ADH1C: variants seen among roughly 807,000 people sequenced by gnomAD.
ADH1C encodes the protein alcohol dehydrogenase 1C (class I), gamma polypeptide, also known as alcohol dehydrogenase 1C.
In ADH1C, 26 loss-of-function variants were observed where a neutral mutation model predicts 35.0. That is an observed-to-expected ratio of 0.74 (90% CI 0.54 to 1.03). The LOEUF is 1.03. Among genes scored for constraint, ADH1C ranks in the 50% least tolerant of loss-of-function variants. ADH1C has a pLI of 0.00. For missense variants in ADH1C, 413 were observed against 465.4 expected (o/e 0.89, Z 1.04); for synonymous variants, 170 against 169.3 (o/e 1.00, Z -0.03).
chr4:99,340,796 C>T, intron 6 of ADH1C, 86 bp from the exon 7 acceptor site: 1 of 1,563,922 alleles, frequency 6.4e-7, no homozygotes. Context: ...ATAGGCTTAG[C>T]TGGATTGTGA....
chr4:99,352,391 C>A (rs1033144968), intron 1 of ADH1C, among the ~76,000 whole-genome samples: 4 of 152,032 alleles, frequency 2.6e-5, no homozygotes, highest in African/African-American at 9.7e-5. Context: ...GAAATAAAGA[C>A]AATAGATACA....
intron 1 of ADH1C, among the ~76,000 whole-genome samples, chr4:99,351,537 G>C (rs1271645902): frequency 6.6e-6 from 1 of 152,072 alleles, no homozygotes; most frequent in African/African-American, 2.4e-5. Flanking sequence ...TTTAGTAAAT[G>C]GTAAATTTAA....
intron 1 of ADH1C, among the ~76,000 whole-genome samples, chr4:99,351,995 T>C (rs1195103311): frequency 6.6e-6 from 1 of 152,186 alleles, no homozygotes; most frequent in Non-Finnish European, 1.5e-5. Context: ...ATATTGACTT[T>C]TATATAGGGG....
In ADH1C at chr4:99,347,140, A is replaced by G. The variant is rs1242777340; in HGVS notation, c.125T>C (p.Val42Ala). The G allele has an allele frequency of 6.2e-7, 1 of 1,613,324 alleles. No homozygotes were observed. Among genetic ancestry groups the G allele is most frequent in the South Asian group, 1.1e-5 (1 of 90,944 alleles). Residue 42 changes from valine to alanine, a missense_variant, in exon 3 of 9, where the codon GTG becomes GCG. Transcript: ENST00000515683. ...PKAHEVRIKM[V>A]AAGICRSDEH... ...ATCTGAACGACAGATTCCTGCAGCC[A>G]CCATCTACAGAATAAAGAGAAGATG...
At chr4:99,347,612 G>T in intron 2 of ADH1C, 133 bp downstream of exon 2, 1 of 981,848 alleles carries the variant, frequency 1.0e-6, no homozygotes, top group Non-Finnish European at 1.4e-6. Flanking sequence ...TACTTTCCTT[G>T]ACAACAAATG....
chr4:99,350,371 C>T (rs372239411), intron 1 of ADH1C, among the ~76,000 whole-genome samples: 13 of 152,114 alleles, frequency 8.5e-5, no homozygotes, highest in East Asian at 1.9e-4. Flanking sequence ...ATGTGTCACC[C>T]GAGCAGTGTA....
In ADH1C at chr4:99,339,628, A is replaced by T; in HGVS notation, c.1052T>A (p.Leu351Ter). The T allele has an allele frequency of 6.2e-7, 1 of 1,610,568 alleles. No individual in the cohort carries two copies. Among genetic ancestry groups the T allele is most frequent in the Non-Finnish European group, 8.5e-7 (1 of 1,178,572 alleles). Residue 351 changes from leucine to a stop codon, truncating the protein, a stop_gained, in exon 8 of 9, where the codon TTA becomes TAA. Coordinates refer to ENST00000515683, the MANE Select transcript of ADH1C (RefSeq NM_000669.5). LOFTEE classifies it high-confidence loss of function. ...TCCTTCATTTATTTTTTCAAAAGGT[A>T]AAATATTTGTTATTAATGCATCCAG... ...FSLDALITNI[L>*]PFEKINEGFD...
Position 99,336,841 on chromosome 4 carries a change from T to G in ADH1C, c.1104-65A>C, listed in dbSNP as rs1734288957. 4 of 1,601,540 alleles carry G rather than the reference T, an allele frequency of 2.5e-6. No homozygotes were observed. The South Asian group carries it at 4.4e-5, about 18-fold the overall frequency. On this transcript the variant is annotated intron_variant, in intron 8 of 8. Coordinates refer to ENST00000515683, the MANE Select transcript of ADH1C (RefSeq NM_000669.5). ...CAACCCACATGCTTCCATGTGATAGTCCAAGGAGTATTTGAGGTGACTTAG... is the reference window on the plus strand; with the variant it reads ...CAACCCACATGCTTCCATGTGATAGGCCAAGGAGTATTTGAGGTGACTTAG...
At chr4:99,340,405 C>G (rs991089805) in intron 7 of ADH1C, among the ~76,000 whole-genome samples, 170 bp downstream of exon 7, 1 of 143,200 alleles carries the variant, frequency 7.0e-6, no homozygotes. Context: ...CAGAGCAAGA[C>G]TTCATCTCCA....
At chr4:99,352,462 T>C (rs1734699191) in intron 1 of ADH1C, among the ~76,000 whole-genome samples, 196 bp downstream of exon 1, 1 of 152,208 alleles carries the variant, frequency 6.6e-6, no homozygotes, top group African/African-American at 2.4e-5. Flanking sequence ...TAGTTCAGTA[T>C]ACATTACATA....
In ADH1C at chr4:99,336,540, G is replaced by A. The variant is rs1343615546; in HGVS notation, c.*212C>T. ...TATTGGCTTCAATTCCCCAGTTGATGTTCAACACTTTATTTAGTTCTCATT... is the reference window on the plus strand; with the variant it reads ...TATTGGCTTCAATTCCCCAGTTGATATTCAACACTTTATTTAGTTCTCATT... On this transcript the variant is annotated 3_prime_UTR_variant, in exon 9 of 9. Transcript: ENST00000515683. The A allele has an allele frequency of 3.1e-6, 2 of 638,824 alleles. No homozygotes were observed. Among genetic ancestry groups the A allele is most frequent in the Non-Finnish European group, 5.4e-6 (2 of 372,954 alleles). 39.6% of individuals were successfully genotyped at this position (638,824 alleles called of 1,614,324 possible).
At chr4:99,343,274 G>T (rs549230888) in intron 5 of ADH1C, among the ~76,000 whole-genome samples, 3 of 152,254 alleles carry the variant, frequency 2.0e-5, no homozygotes, top group Non-Finnish European at 4.4e-5. Context: ...GATTCATCTG[G>T]GGAGCTTTAA....
At chr4:99,352,390 A>T (rs945111210) in intron 1 of ADH1C, among the ~76,000 whole-genome samples, 1 of 152,334 alleles carries the variant, frequency 6.6e-6, no homozygotes, top group South Asian at 2.1e-4. Context: ...GGAAATAAAG[A>T]CAATAGATAC....
chr4:99,347,361 T>C (rs1734560515), intron 2 of ADH1C, among the ~76,000 whole-genome samples: 1 of 152,232 alleles, frequency 6.6e-6, no homozygotes, highest in African/African-American at 2.4e-5. Flanking sequence ...TTTAGAATAA[T>C]CTGTGAGATA....
At chr4:99,346,688 G>A (rs186231398) in intron 3 of ADH1C, among the ~76,000 whole-genome samples, 2 of 152,078 alleles carry the variant, frequency 1.3e-5, no homozygotes, top group African/African-American at 2.4e-5. Flanking sequence ...TAACACTAAC[G>A]TGGAAGTTAC....
intron 1 of ADH1C, among the ~76,000 whole-genome samples, chr4:99,348,774 C>A (rs1382855836): frequency 6.6e-6 from 1 of 152,080 alleles, no homozygotes; most frequent in Non-Finnish European, 1.5e-5. Flanking sequence ...TTCTCCACAT[C>A]CTCTCCAGCA....
rs769121542 is a variant in ADH1C at position 99,340,601 on chromosome 4, C to T, written c.938G>A (p.Arg313His). Residue 313 changes from arginine to histidine, a missense_variant, in exon 7 of 9, where the codon CGC (arginine) becomes CAC (histidine). Coordinates refer to ENST00000515683, the MANE Select transcript of ADH1C (RefSeq NM_000669.5). The stretch of plus-strand genomic sequence containing the variant: ...TCCAAAAATAGCTCCTTTCCACGTG[C>T]GTCCAGTCAGTAGCAGCATAGGGTT... ...SINPMLLLTG[R>H]TWKGAIFGGF... is the part of the protein sequence containing the mutation. 9.3e-6 allele frequency: 15 copies of T among 1,614,080 alleles called. No individual in the cohort carries two copies. Among genetic ancestry groups the T allele is most frequent in the Admixed American group, 6.7e-5 (4 of 60,024 alleles).
chr4:99,347,197 T>G, intron 2 of ADH1C, 53 bp from the exon 3 acceptor site: 1 of 1,566,222 alleles, frequency 6.4e-7, no homozygotes. Flanking sequence ...GACTGTCAGA[T>G]GGACTTAACA....
intron 1 of ADH1C, among the ~76,000 whole-genome samples, chr4:99,351,803 A>G (rs796290897): frequency 7.2e-5 from 11 of 152,358 alleles, no homozygotes; most frequent in African/African-American, 2.2e-4. Context: ...AAATAGTTGC[A>G]CAGATTTTTT....
Sources: allele counts gnomAD v4.1 joint callset (sites outside exome capture counted in the v4.1 genomes callset), GRCh38; gene constraint gnomAD v4.1.1; transcripts MANE v1.5; gene names NCBI Gene and HGNC (gene_info 2026-07-23, HGNC 2026-07-21).